The following NELL1 variants were observed in gnomAD, a reference collection of about 807,000 sequenced individuals.
NELL1 encodes the protein protein kinase C-binding protein NELL1.
Under a neutral mutation model 107.4 loss-of-function variants are expected in NELL1, and 76 were observed. The ratio of observed to expected loss-of-function variants is 0.71; its 90% CI spans 0.59 to 0.86. The LOEUF (loss-of-function observed/expected upper bound fraction) is 0.86. Ranked by LOEUF, NELL1 falls within the 40% of genes least tolerant of loss-of-function variation. NELL1 has a pLI of 0.00. For synonymous variants in NELL1, 353 were observed against 341.2 expected (o/e 1.03, Z -0.38); for missense variants, 1,024 against 1,005.5 (o/e 1.02, Z -0.25).
chr11:21,356,251 A>G (rs1231460559), intron 14 of NELL1, among the ~76,000 whole-genome samples: 1 of 152,182 alleles, frequency 6.6e-6, no homozygotes, highest in African/African-American at 2.4e-5. Context: ...TCTGTTAACT[A>G]CTTGAGCCCT....
intron 5 of NELL1, among the ~76,000 whole-genome samples, chr11:20,908,308 C>G (rs1699961651): frequency 2.6e-5 from 4 of 152,004 alleles, no homozygotes; most frequent in Admixed American, 2.6e-4. Flanking sequence ...AACCCAAATT[C>G]TCAACAATGA....
chr11:20,921,022 T>C (rs1850365962), intron 7 of NELL1, among the ~76,000 whole-genome samples: 1 of 152,098 alleles, frequency 6.6e-6, no homozygotes, highest in African/African-American at 2.4e-5. Context: ...AAATCTATGA[T>C]CATCTAGAAT....
intron 2 of NELL1, among the ~76,000 whole-genome samples, chr11:20,745,511 C>T (rs935414305): frequency 6.6e-6 from 1 of 152,138 alleles, no homozygotes; most frequent in Non-Finnish European, 1.5e-5. Flanking sequence ...ACAGTAGGAA[C>T]TTTGAATGTT....
chr11:20,684,718 A>C (rs1854267142), intron 2 of NELL1, among the ~76,000 whole-genome samples: 1 of 152,040 alleles, frequency 6.6e-6, no homozygotes. Flanking sequence ...TGTTCTAGTA[A>C]CTGGGACACA....
At chr11:21,165,018 G>A (rs1302488137) in intron 13 of NELL1, among the ~76,000 whole-genome samples, 1 of 151,922 alleles carries the variant, frequency 6.6e-6, no homozygotes, top group Non-Finnish European at 1.5e-5. Flanking sequence ...CCATCAATTT[G>A]TTTTGATTGA....
At chr11:21,217,345 G>T (rs1016913263) in intron 13 of NELL1, among the ~76,000 whole-genome samples, 1 of 152,148 alleles carries the variant, frequency 6.6e-6, no homozygotes, top group Non-Finnish European at 1.5e-5. Context: ...TACATTGGGG[G>T]AAGCTAGGGG....
chr11:20,943,469 G>A (rs777593214), intron 10 of NELL1, among the ~76,000 whole-genome samples: 5 of 151,980 alleles, frequency 3.3e-5, no homozygotes, highest in Admixed American at 1.3e-4. Flanking sequence ...TGTAATCCCA[G>A]CTACTTGGGA....
rs78967192 is a variant in NELL1, at chr11:20,721,176, T to A, written c.184+43116T>A. ...AAACCAATGAGATATAGATATATAT[T>A]TTGTGTATATATATATATATAGTGT... On this transcript the variant is annotated intron_variant, in intron 2 of 19. Transcript: ENST00000357134. 7.9e-3 allele frequency among the ~76,000 whole-genome samples: 382 copies of A among 48,338 alleles called. No individual in the cohort carries two copies. In the East Asian group the frequency reaches 0.1, roughly 13 times the overall value. 31.7% of individuals were successfully genotyped at this position (48,338 alleles called of 152,430 possible).
chr11:20,969,834 A>G (rs1342406446), intron 12 of NELL1, among the ~76,000 whole-genome samples: 1 of 152,110 alleles, frequency 6.6e-6, no homozygotes, highest in Non-Finnish European at 1.5e-5. Flanking sequence ...GCCTTACTTT[A>G]CCAATTGGTT....
At chr11:20,679,989 T>C (rs2133852871) in intron 2 of NELL1, among the ~76,000 whole-genome samples, 1 of 152,316 alleles carries the variant, frequency 6.6e-6, no homozygotes, top group South Asian at 2.1e-4. Context: ...TTGGCAACCA[T>C]CTCTGTGTTG....
intron 15 of NELL1, among the ~76,000 whole-genome samples, chr11:21,459,038 A>G: frequency 6.6e-6 from 1 of 152,064 alleles, no homozygotes; most frequent in East Asian, 1.9e-4. Flanking sequence ...AGTTTTACAC[A>G]CTCTAGAAAA....
At chr11:21,302,597 TG>T (rs1158352726) in intron 14 of NELL1, among the ~76,000 whole-genome samples, 1 of 152,028 alleles carries the variant, frequency 6.6e-6, no homozygotes, top group Non-Finnish European at 1.5e-5. Context: ...TAGATAGAAA[TG>T]TAGGGGAATG....
chr11:20,766,186 C>G (rs150772436), intron 2 of NELL1, among the ~76,000 whole-genome samples: 5 of 152,196 alleles, frequency 3.3e-5, no homozygotes, highest in African/African-American at 1.2e-4. Context: ...CTTCCCTGGG[C>G]CCCCTGTCAA....
chr11:20,920,376 A>G (rs1231290195), intron 7 of NELL1, among the ~76,000 whole-genome samples: 1 of 152,060 alleles, frequency 6.6e-6, no homozygotes, highest in African/African-American at 2.4e-5. Context: ...GGACCCATGG[A>G]TTGTGCTGCT....
chr11:20,798,093 T>C (rs1040940428), intron 3 of NELL1, among the ~76,000 whole-genome samples: 2 of 152,102 alleles, frequency 1.3e-5, no homozygotes, highest in African/African-American at 4.8e-5. Context: ...CAAGGAAACG[T>C]TTAAAGGATG....
chr11:21,361,030 T>C (rs1320007110), intron 14 of NELL1, among the ~76,000 whole-genome samples: 1 of 152,148 alleles, frequency 6.6e-6, no homozygotes, highest in Non-Finnish European at 1.5e-5. Flanking sequence ...TTGTTCTTTT[T>C]CCCCCACTGT....
At chr11:21,483,340 A>G (rs1854539132) in intron 15 of NELL1, among the ~76,000 whole-genome samples, 1 of 152,190 alleles carries the variant, frequency 6.6e-6, no homozygotes, top group South Asian at 2.1e-4. Context: ...CTGTACACAT[A>G]CAATATACTC....
intron 15 of NELL1, among the ~76,000 whole-genome samples, chr11:21,520,863 G>A (rs1855708982): frequency 2.0e-5 from 3 of 152,270 alleles, no homozygotes. Context: ...TGGTTTTGAT[G>A]TGCAGAAACA....
rs566146174 is a variant in NELL1, at chr11:20,873,791, G to T, written c.507-11653G>T. On this transcript the variant is annotated intron_variant, in intron 4 of 19. Transcript: ENST00000357134. ...ACTTTTTTTTTTTTTTTTTGAGACA[G>T]GGTCTCACTCTGTTGCCCAGGCAGT... 2.1e-5 allele frequency among the ~76,000 whole-genome samples: 3 copies of T among 144,608 alleles called. No individual in the cohort carries two copies. In the East Asian group the frequency reaches 6.2e-4, roughly 30 times the overall value. 94.9% of individuals were successfully genotyped at this position (144,608 alleles called of 152,430 possible).
Sources: allele counts gnomAD v4.1 joint callset (sites outside exome capture counted in the v4.1 genomes callset), GRCh38; gene constraint gnomAD v4.1.1; transcripts MANE v1.5; gene names NCBI Gene and HGNC (gene_info 2026-07-23, HGNC 2026-07-21).